The following ADA variants were observed in gnomAD, a reference collection of about 807,000 sequenced individuals.
ADA encodes adenosine deaminase, also known as adenosine aminohydrolase.
In ADA, 45 loss-of-function variants were observed where a neutral mutation model predicts 49.0. The observed-to-expected ratio is 0.92, with a 90% confidence interval of 0.72 to 1.18. ADA has a LOEUF of 1.18. Ranked by LOEUF, ADA falls within the 50% of genes most tolerant of loss-of-function variation. The probability of loss-of-function intolerance (pLI) is 0.00; values close to 1 mark genes in which losing one functional copy is unlikely to be tolerated. For synonymous variants in ADA, 173 were observed against 184.2 expected (o/e 0.94, Z 0.49); for missense variants, 445 against 472.5 (o/e 0.94, Z 0.54).
chr20:44,643,249 C>T (rs920291875), intron 1 of ADA, among the ~76,000 whole-genome samples: 1 of 152,140 alleles, frequency 6.6e-6, no homozygotes, highest in African/African-American at 2.4e-5. Flanking sequence ...TCCTTACAAC[C>T]AGCAAGGTAG....
At chr20:44,622,699 T>C in intron 8 of ADA, 47 bp from the exon 9 acceptor site, 1 of 1,613,496 alleles carries the variant, frequency 6.2e-7, no homozygotes, top group Non-Finnish European at 8.5e-7. Context: ...CAGGCCATGC[T>C]GATTCCTCCC....
At chr20:44,622,537 CTT>C in intron 9 of ADA, 49 bp downstream of exon 9, 2 of 1,608,274 alleles carry the variant, frequency 1.2e-6, no homozygotes, top group South Asian at 2.2e-5. Context: ...TTTCTTCCCT[CTT>C]TGGCCTTCCT....
intron 2 of ADA, among the ~76,000 whole-genome samples, chr20:44,631,674 G>A (rs1208247363): frequency 1.3e-5 from 2 of 152,136 alleles, no homozygotes; most frequent in African/African-American, 4.8e-5. Flanking sequence ...TCTGCCCTCT[G>A]GTCGTTCTCT....
At chr20:44,631,333 T>C (rs1027644451) in intron 2 of ADA, among the ~76,000 whole-genome samples, 1 of 152,100 alleles carries the variant, frequency 6.6e-6, no homozygotes. Context: ...AACGGTGCCC[T>C]GGTGCGGCAT....
chr20:44,634,371 C>T (rs962966284), intron 2 of ADA, among the ~76,000 whole-genome samples: 1 of 152,168 alleles, frequency 6.6e-6, no homozygotes, highest in East Asian at 1.9e-4. Context: ...GTGTGCTAGG[C>T]CCTGAACTAA....
At chr20:44,636,634 T>G (rs765215) in intron 1 of ADA, among the ~76,000 whole-genome samples, 1,818 of 152,124 alleles carry the variant, frequency 0.012, 29 homozygotes, top group African/African-American at 0.041. Context: ...AGCTGGTGAG[T>G]GGCAGAGGCG....
intron 1 of ADA, among the ~76,000 whole-genome samples, chr20:44,636,932 A>G (rs1024599755): frequency 9.2e-5 from 14 of 152,036 alleles, no homozygotes; most frequent in Non-Finnish European, 2.1e-4. Flanking sequence ...CAGCCTCCGG[A>G]GTAGCTGGGA....
intron 3 of ADA, among the ~76,000 whole-genome samples, chr20:44,627,622 T>G (rs2065395044): frequency 6.6e-6 from 1 of 152,232 alleles, no homozygotes; most frequent in Non-Finnish European, 1.5e-5. Flanking sequence ...GCAGTCTCCA[T>G]GTGGCAAGGA....
intron 2 of ADA, 22 bp downstream of exon 2, chr20:44,636,205 G>A: frequency 6.3e-7 from 1 of 1,599,978 alleles, no homozygotes; most frequent in Non-Finnish European, 8.5e-7. Flanking sequence ...CAGGGAGAGA[G>A]GGCTCTTCTG....
At chr20:44,651,132 G>C (rs971771409) in intron 1 of ADA, among the ~76,000 whole-genome samples, 3 of 152,114 alleles carry the variant, frequency 2.0e-5, no homozygotes, top group African/African-American at 7.2e-5. Flanking sequence ...GCTCCTTGGC[G>C]CTCACCACCA....
chr20:44,640,864 G>T (rs1380905713), intron 1 of ADA, among the ~76,000 whole-genome samples: 6 of 151,924 alleles, frequency 3.9e-5, no homozygotes, highest in Non-Finnish European at 8.8e-5. Flanking sequence ...CTGGAATGAT[G>T]CAGCCACAAG....
chr20:44,631,983 G>A (rs2065437859), intron 2 of ADA, among the ~76,000 whole-genome samples: 1 of 152,150 alleles, frequency 6.6e-6, no homozygotes, highest in Non-Finnish European at 1.5e-5. Flanking sequence ...CACCAGAGAC[G>A]GGCGCCTCCC....
chr20:44,646,145 C>T (rs1398078995), intron 1 of ADA, among the ~76,000 whole-genome samples: 1 of 152,154 alleles, frequency 6.6e-6, no homozygotes, highest in Non-Finnish European at 1.5e-5. Context: ...GATCACAGGG[C>T]CCCCAGCCAC....
intron 4 of ADA, 127 bp from the exon 5 acceptor site, chr20:44,625,811 C>T: frequency 1.3e-6 from 1 of 761,458 alleles, no homozygotes; most frequent in Non-Finnish European, 2.2e-6. Context: ...GACCCACTGC[C>T]TCAGAGGAAA....
At chr20:44,639,282 G>A (rs138016110) in intron 1 of ADA, among the ~76,000 whole-genome samples, 1 of 152,232 alleles carries the variant, frequency 6.6e-6, no homozygotes, top group African/African-American at 2.4e-5. Flanking sequence ...TGGGTGGGGA[G>A]CAATTCCCGC....
At chr20:44,645,251 G>A (rs924325744) in intron 1 of ADA, among the ~76,000 whole-genome samples, 1 of 151,868 alleles carries the variant, frequency 6.6e-6, no homozygotes, top group Non-Finnish European at 1.5e-5. Flanking sequence ...CCAGCTACTT[G>A]GGAGGCTGAG....
chr20:44,628,625 A>G (rs1378716410), intron 3 of ADA, among the ~76,000 whole-genome samples: 1 of 152,122 alleles, frequency 6.6e-6, no homozygotes, highest in African/African-American at 2.4e-5. Flanking sequence ...TTCGGTACCT[A>G]GTGCTGTTCC....
At chr20:44,641,122 C>T (rs375999472) in intron 1 of ADA, among the ~76,000 whole-genome samples, 3 of 152,118 alleles carry the variant, frequency 2.0e-5, no homozygotes, top group East Asian at 1.9e-4. Context: ...ACTTGTCCGT[C>T]GGGCTAAAAG....
At chr20:44,633,557 TTAAGG>T (rs2065452588) in intron 2 of ADA, among the ~76,000 whole-genome samples, 1 of 152,026 alleles carries the variant, frequency 6.6e-6, no homozygotes, top group Non-Finnish European at 1.5e-5. Flanking sequence ...AGACCATGGG[TTAAGG>T]CTCTTGCTCC....
Sources: gnomAD v4.1 joint callset for allele counts (sites outside exome capture counted in the v4.1 genomes callset) on GRCh38, gnomAD v4.1.1 for gene constraint, MANE v1.5 for transcripts, NCBI Gene and HGNC (gene_info 2026-07-23, HGNC 2026-07-21) for gene names.